The following GFOD1 variants were observed in gnomAD, a reference collection of about 807,000 sequenced individuals.
The protein encoded by GFOD1 is Gfo/Idh/MocA-like oxidoreductase domain containing 1, also known as glucose-fructose oxidoreductase domain-containing protein 1.
In GFOD1, 9 loss-of-function variants were observed where a neutral mutation model predicts 25.4. The ratio of observed to expected loss-of-function variants is 0.35; its 90% CI spans 0.21 to 0.62. The LOEUF (loss-of-function observed/expected upper bound fraction) is 0.62, where lower values mean the gene tolerates loss of function less well. GFOD1 is among the 20% of genes least tolerant of loss of function. The probability of loss-of-function intolerance (pLI) is 0.72; values close to 1 mark genes in which losing one functional copy is unlikely to be tolerated. For missense variants in GFOD1, 403 were observed against 556.9 expected, an observed-to-expected ratio of 0.72 and a Z score of 2.78; for synonymous variants, 253 against 245.6, an observed-to-expected ratio of 1.03 and a Z score of -0.28.
At chr6:13,432,185 A>C (rs559175082) in intron 1 of GFOD1, among the ~76,000 whole-genome samples, 16 of 151,962 alleles carry the variant, frequency 1.1e-4, no homozygotes, top group Non-Finnish European at 2.1e-4. Context: ...CCACACAACT[A>C]ATCACCAGAT....
intron 1 of GFOD1, among the ~76,000 whole-genome samples, chr6:13,474,578 T>C (rs17618814): frequency 0.025 from 3,852 of 152,276 alleles, 68 homozygotes; most frequent in Middle Eastern, 0.068. Flanking sequence ...CACTTAGTCA[T>C]GTATCTCATT....
At chr6:13,459,662 A>C (rs1758257523) in intron 1 of GFOD1, among the ~76,000 whole-genome samples, 1 of 152,210 alleles carries the variant, frequency 6.6e-6, no homozygotes, top group South Asian at 2.1e-4. Context: ...TATAAGAAAA[A>C]AACAACCCCA....
chr6:13,403,637 A>C (rs911971966), intron 1 of GFOD1, among the ~76,000 whole-genome samples: 15 of 152,216 alleles, frequency 9.9e-5, no homozygotes, highest in African/African-American at 3.6e-4. Context: ...ATTAACTGAA[A>C]CATTGTTATT....
At chr6:13,486,147 GA>G (rs1345084504) in intron 1 of GFOD1, 1 of 988,200 alleles carries the variant, frequency 1.0e-6, no homozygotes, top group Non-Finnish European at 1.2e-6. Flanking sequence ...TCGCACCCAA[GA>G]AAACCCGACA....
intron 1 of GFOD1, chr6:13,469,746 T>C (rs976933210): frequency 1.7e-6 from 2 of 1,164,438 alleles, no homozygotes; most frequent in Admixed American, 3.6e-5. Context: ...AAATAATACA[T>C]GTCACAGAAT....
intron 1 of GFOD1, among the ~76,000 whole-genome samples, chr6:13,413,253 G>A (rs1476524473): frequency 6.6e-6 from 1 of 152,180 alleles, no homozygotes; most frequent in African/African-American, 2.4e-5. Context: ...GAACGGAGGT[G>A]ACCTGCCAGT....
rs528274399 is a variant in GFOD1, at chr6:13,460,971, C to T, written c.253+25667G>A. ...GAGGACACCTCAAGAAGGCCCTCAG[C>T]AGACACCAGATGCTGGCACCTTGGT... On this transcript the variant is annotated intron_variant, in intron 1 of 1. Coordinates refer to ENST00000379287, the MANE Select transcript of GFOD1 (RefSeq NM_018988.4). Among the ~76,000 whole-genome samples the T allele has an allele frequency of 7.2e-5, 11 of 152,334 alleles. No individual in the cohort carries two copies. In the South Asian group the frequency reaches 2.3e-3, roughly 32 times the overall value.
chr6:13,477,214 GGGGTGTGTGTGTGTGTGTGT>G (rs1289763151), intron 1 of GFOD1, among the ~76,000 whole-genome samples: 1,127 of 7,678 alleles, frequency 0.15, 8 homozygotes, highest in Non-Finnish European at 0.29. Context: ...GAACCAATAG[GGGGTGTGTGTGTGTGTGTGT>G]GTGTGTGTGT....
chr6:13,456,782 A>G (rs1386061796), intron 1 of GFOD1, among the ~76,000 whole-genome samples: 1 of 152,222 alleles, frequency 6.6e-6, no homozygotes, highest in Admixed American at 6.5e-5. Flanking sequence ...CTTGGGAGCC[A>G]GGAGGTCTGA....
intron 1 of GFOD1, among the ~76,000 whole-genome samples, chr6:13,380,768 T>A (rs1785348588): frequency 6.6e-6 from 1 of 152,226 alleles, no homozygotes; most frequent in Non-Finnish European, 1.5e-5. Flanking sequence ...TGCAAGCTGA[T>A]ATTTTCATAG....
chr6:13,463,178 G>T (rs1758322165), intron 1 of GFOD1, among the ~76,000 whole-genome samples: 1 of 152,226 alleles, frequency 6.6e-6, no homozygotes, highest in Admixed American at 6.5e-5. Context: ...CCAAAGCCTG[G>T]CTTTCCAGAC....
At chr6:13,431,785 T>C (rs952939238) in intron 1 of GFOD1, among the ~76,000 whole-genome samples, 1 of 152,250 alleles carries the variant, frequency 6.6e-6, no homozygotes. Flanking sequence ...GCACCAAGTA[T>C]GAAATGTCAC....
At chr6:13,409,497 T>C (rs1786031982) in intron 1 of GFOD1, among the ~76,000 whole-genome samples, 1 of 152,238 alleles carries the variant, frequency 6.6e-6, no homozygotes, top group Admixed American at 6.5e-5. Flanking sequence ...ACTGCAATTT[T>C]AGTTACGTCT....
At chr6:13,422,897 G>A (rs568456363) in intron 1 of GFOD1, among the ~76,000 whole-genome samples, 4 of 152,200 alleles carry the variant, frequency 2.6e-5, no homozygotes, top group Non-Finnish European at 5.9e-5. Flanking sequence ...TAGGCTTTGT[G>A]TGAATGTGTG....
In GFOD1 at chr6:13,364,818, G is replaced by A. The variant is rs1785008032; in HGVS notation, c.1098C>T (p.Thr366=). 2.5e-6 allele frequency: 4 copies of A among 1,613,856 alleles called. No homozygotes were observed. The highest frequency in any genetic ancestry group is 1.3e-5 in the African/African-American group (1 of 74,930). ...TGEWQNIAIM[T]EEPELSPAYL... is the part of the protein sequence containing the mutation. ...AGGCGGGGCTCAGCTCCGGCTCCTC[G>A]GTCATGATGGCAATGTTCTGCCACT... The change falls in exon 2 of 2, where the codon ACC becomes ACT. Residue 366 remains threonine, a synonymous_variant. Coordinates refer to ENST00000379287, the MANE Select transcript of GFOD1 (RefSeq NM_018988.4). The surrounding 1 kb of genome is among the most constrained non-coding windows in gnomAD (Gnocchi z 4.1).
intron 1 of GFOD1, among the ~76,000 whole-genome samples, chr6:13,445,390 A>G (rs1757986437): frequency 6.6e-6 from 1 of 152,218 alleles, no homozygotes; most frequent in African/African-American, 2.4e-5. Context: ...AATGTTCTGT[A>G]CTTGTACTGG....
chr6:13,370,796 C>T (rs1040256991), intron 1 of GFOD1, among the ~76,000 whole-genome samples: 3 of 152,078 alleles, frequency 2.0e-5, no homozygotes, highest in East Asian at 1.9e-4. Flanking sequence ...CCACGTGCAA[C>T]GTAAAGGGAA....
chr6:13,431,695 A>T (rs760144147), intron 1 of GFOD1, among the ~76,000 whole-genome samples: 9 of 152,214 alleles, frequency 5.9e-5, no homozygotes, highest in Non-Finnish European at 8.8e-5. Flanking sequence ...TTCATCTGTG[A>T]TGAGAAAGAA....
At chr6:13,396,145 G>A (rs910828603) in intron 1 of GFOD1, among the ~76,000 whole-genome samples, 3 of 152,128 alleles carry the variant, frequency 2.0e-5, no homozygotes, top group Non-Finnish European at 4.4e-5. Flanking sequence ...CTGCTTCTAC[G>A]TAGCTCACTA....
Sources: allele counts gnomAD v4.1 joint callset (sites outside exome capture counted in the v4.1 genomes callset), GRCh38; gene constraint gnomAD v4.1.1; non-coding constraint Gnocchi (gnomAD v3.1); transcripts MANE v1.5; gene names NCBI Gene and HGNC (gene_info 2026-07-23, HGNC 2026-07-21).